The following METTL15 variants were observed in gnomAD, a reference collection of about 807,000 sequenced individuals.
METTL15 encodes the protein 12S rRNA N(4)-cytidine methyltransferase METTL15.
Under a neutral mutation model 38.3 loss-of-function variants are expected in METTL15, and 34 were observed. That is an observed-to-expected ratio of 0.89 (90% CI 0.68 to 1.18). METTL15 has a LOEUF of 1.18. Among genes scored for constraint, METTL15 ranks in the 50% most tolerant of loss-of-function variants. The probability of loss-of-function intolerance (pLI) is 0.00; values close to 1 mark genes in which losing one functional copy is unlikely to be tolerated. For synonymous variants in METTL15, 162 were observed against 170.9 expected (o/e 0.95, Z 0.41); for missense variants, 438 against 498.4 (o/e 0.88, Z 1.15).
chr11:28,235,139 G>T (rs567145405), intron 4 of METTL15, among the ~76,000 whole-genome samples: 2 of 151,998 alleles, frequency 1.3e-5, no homozygotes, highest in Admixed American at 1.3e-4. Context: ...TATTTCTGAG[G>T]GGTCTGTTCT....
At chr11:28,337,074 T>G (rs1590337700), downstream of METTL15, among the ~76,000 whole-genome samples, 2 of 152,130 alleles carry the variant, frequency 1.3e-5, no homozygotes, top group South Asian at 2.1e-4. Context: ...CTAAAAAGTT[T>G]TAAAAGTAAA....
intron 3 of METTL15, among the ~76,000 whole-genome samples, chr11:28,147,777 CA>C (rs1590811738): frequency 6.6e-6 from 1 of 151,664 alleles, no homozygotes; most frequent in Non-Finnish European, 1.5e-5. Context: ...AAAATTCTAG[CA>C]AAAAAACAAC....
chr11:28,216,932 G>C (rs1416415550), intron 4 of METTL15, among the ~76,000 whole-genome samples: 1 of 151,798 alleles, frequency 6.6e-6, no homozygotes, highest in Non-Finnish European at 1.5e-5. Flanking sequence ...TGGTGTATAT[G>C]TGCCACATTT....
At chr11:28,273,890 A>G (rs1418738928) in intron 4 of METTL15, among the ~76,000 whole-genome samples, 5 of 152,096 alleles carry the variant, frequency 3.3e-5, no homozygotes, top group Admixed American at 6.5e-5. Flanking sequence ...TATTCTTGCA[A>G]TGCACTTGCA....
At chr11:28,481,463 T>G (rs189346536) in intron 6 of METTL15, among the ~76,000 whole-genome samples, 142 of 152,306 alleles carry the variant, frequency 9.3e-4, no homozygotes, top group African/African-American at 3.3e-3. Flanking sequence ...ATTTCCCAAT[T>G]GTTCCAATTG....
intron 3 of METTL15, among the ~76,000 whole-genome samples, chr11:28,144,247 A>G (rs1051094908): frequency 1.3e-5 from 2 of 152,084 alleles, no homozygotes; most frequent in African/African-American, 4.8e-5. Flanking sequence ...AAATATATAG[A>G]TCTGTTCTTT....
intron 3 of METTL15, among the ~76,000 whole-genome samples, chr11:28,162,129 A>G (rs1399718253): frequency 1.3e-5 from 2 of 152,176 alleles, no homozygotes; most frequent in Admixed American, 6.5e-5. Context: ...GAAACTGCTG[A>G]CACACCAAGA....
intron 6 of METTL15, among the ~76,000 whole-genome samples, chr11:28,439,595 G>C (rs1236422340): frequency 2.0e-5 from 3 of 152,142 alleles, no homozygotes; most frequent in Non-Finnish European, 4.4e-5. Context: ...CTGTGGGTGG[G>C]CCCAATGCGG....
intron 6 of METTL15, among the ~76,000 whole-genome samples, chr11:28,499,153 G>T (rs1851560194): frequency 2.6e-5 from 4 of 152,144 alleles, no homozygotes; most frequent in Admixed American, 2.6e-4. Flanking sequence ...TACCTCAGGG[G>T]TCTGCTGGTC....
chr11:28,351,540 G>T (rs1850041720), intron 3 of METTL15, among the ~76,000 whole-genome samples: 1 of 152,212 alleles, frequency 6.6e-6, no homozygotes. Context: ...GGAAGTCAAT[G>T]AGTTAATTCA....
chr11:28,114,434 G>A (rs1474113287), intron 3 of METTL15, among the ~76,000 whole-genome samples: 1 of 152,020 alleles, frequency 6.6e-6, no homozygotes, highest in Non-Finnish European at 1.5e-5. Flanking sequence ...ATGCTACTAC[G>A]AACATTCGTG....
intron 4 of METTL15, among the ~76,000 whole-genome samples, chr11:28,353,433 G>A (rs943806835): frequency 5.3e-5 from 8 of 152,178 alleles, no homozygotes; most frequent in Non-Finnish European, 1.0e-4. Context: ...TGATTAATAT[G>A]TAAAATTTAC....
downstream of METTL15, among the ~76,000 whole-genome samples, chr11:28,335,686 A>G (rs1849894727): frequency 6.6e-6 from 1 of 152,114 alleles, no homozygotes; most frequent in African/African-American, 2.4e-5. Flanking sequence ...CAATTCCCAG[A>G]GAGCTGGTTG....
chr11:28,161,107 CTTTTTT>C lies in METTL15; in HGVS notation c.270+47517_270+47522del, dbSNP rs10660185. 5.7e-4 allele frequency among the ~76,000 whole-genome samples: 75 copies of C among 131,906 alleles called. No homozygotes were observed. In the South Asian group the frequency reaches 8.0e-3, roughly 14 times the overall value. 86.5% of individuals were successfully genotyped at this position (131,906 alleles called of 152,430 possible). On this transcript the variant is annotated intron_variant, in intron 3 of 6. Transcript: ENST00000407364. ...GATATAGTCAGATGTTTGCACCTTC[CTTTTTT>C]TTTTTTTTTTTTTGTTTTTTGTTTT...
chr11:28,224,479 A>G (rs1464583427), intron 4 of METTL15, among the ~76,000 whole-genome samples: 1 of 151,910 alleles, frequency 6.6e-6, no homozygotes, highest in East Asian at 1.9e-4. Flanking sequence ...AATTCATAGA[A>G]CTAACACCAA....
At position 28,518,586 on chromosome 11, in the gene METTL15, C is replaced by T. The variant is rs554115465; in HGVS notation, c.*425-7892C>T. 2.2e-3 allele frequency among the ~76,000 whole-genome samples: 342 copies of T among 152,314 alleles called. 3 individuals are homozygous for T. Among genetic ancestry groups the T allele is most frequent in the African/African-American group, 8.0e-3 (334 of 41,560 alleles). ...AGCAAGGGTCTTCAGAAAGTGTCAG[C>T]TGTTTGCCTAGGGGTTAGCCATGTC... On this transcript the variant is annotated intron_variant and NMD_transcript_variant, in intron 6 of 7. Coordinates refer to the METTL15 transcript ENST00000532947.
intron 3 of METTL15, among the ~76,000 whole-genome samples, chr11:28,338,727 G>A (rs1849923438): frequency 6.6e-6 from 1 of 152,126 alleles, no homozygotes; most frequent in East Asian, 1.9e-4. Flanking sequence ...TTTTATTATA[G>A]TGTAGGTATT....
chr11:28,159,242 C>T (rs893510717), intron 3 of METTL15, among the ~76,000 whole-genome samples: 1 of 151,964 alleles, frequency 6.6e-6, no homozygotes, highest in African/African-American at 2.4e-5. Context: ...TTGACCTGGA[C>T]TATGAAGATG....
chr11:28,478,509 A>G, intron 6 of METTL15, among the ~76,000 whole-genome samples: 1 of 152,158 alleles, frequency 6.6e-6, no homozygotes, highest in East Asian at 1.9e-4. Flanking sequence ...TGTATCTACT[A>G]AATTTCAGTG....
Sources: allele counts gnomAD v4.1 joint callset (sites outside exome capture counted in the v4.1 genomes callset), GRCh38; gene constraint gnomAD v4.1.1; transcripts MANE v1.5; gene names NCBI Gene and HGNC (gene_info 2026-07-23, HGNC 2026-07-21).